RERE: variants seen among roughly 807,000 people sequenced by gnomAD.
RERE encodes the protein arginine-glutamic acid dipeptide repeats, also known as arginine-glutamic acid dipeptide repeats protein.
Under a neutral mutation model 146.1 loss-of-function variants are expected in RERE, and 40 were observed. The observed-to-expected ratio is 0.27, with a 90% CI of 0.21 to 0.36. RERE has a LOEUF of 0.36. Ranked by LOEUF, RERE falls within the 10% of genes least tolerant of loss-of-function variation. RERE has a pLI of 1.00. For missense variants in RERE, 1,933 were observed against 2,138.7 expected (o/e 0.90, Z 1.90); for synonymous variants, 1,003 against 866.0 (o/e 1.16, Z -2.78).
chr1:8,517,349 A>G (rs1645434051), intron 7 of RERE, among the ~76,000 whole-genome samples: 1 of 152,196 alleles, frequency 6.6e-6, no homozygotes, highest in Non-Finnish European at 1.5e-5. Context: ...ACAGCTTATT[A>G]GCAATGAGAT....
intron 1 of RERE, among the ~76,000 whole-genome samples, chr1:8,747,131 A>G (rs1233111988): frequency 6.6e-6 from 1 of 151,954 alleles, no homozygotes; most frequent in African/African-American, 2.4e-5. Context: ...CCTCCCGAGT[A>G]GCTGGGACTA....
chr1:8,501,338 G>T (rs1409175006), intron 8 of RERE, among the ~76,000 whole-genome samples: 1 of 108,588 alleles, frequency 9.2e-6, no homozygotes, highest in South Asian at 2.9e-4. Flanking sequence ...GAGGTGGGGG[G>T]TCAGCACCCC....
At chr1:8,600,514 G>C (rs895272131) in intron 4 of RERE, among the ~76,000 whole-genome samples, 1 of 152,094 alleles carries the variant, frequency 6.6e-6, no homozygotes, top group Non-Finnish European at 1.5e-5. Context: ...GTGGATATTT[G>C]TAATATATCC....
chr1:8,632,257 T>C (rs530355634), intron 2 of RERE, among the ~76,000 whole-genome samples: 11 of 152,344 alleles, frequency 7.2e-5, no homozygotes, highest in South Asian at 6.2e-4. Context: ...TCTCCCCGTA[T>C]GGCTGACAAC....
chr1:8,659,784 A>G (rs2124343342), intron 1 of RERE, among the ~76,000 whole-genome samples: 2 of 152,364 alleles, frequency 1.3e-5, no homozygotes, highest in South Asian at 4.1e-4. Flanking sequence ...AAAACTGTGT[A>G]GAAAACATTT....
chr1:8,365,720 C>T (rs973435563), intron 13 of RERE, 92 bp downstream of exon 13: 119 of 1,442,170 alleles, frequency 8.3e-5, no homozygotes, highest in Admixed American at 2.1e-4. Context: ...TCATGCTTCC[C>T]GGAGCCATCA....
chr1:8,525,203 A>C (rs1362282245), intron 7 of RERE, among the ~76,000 whole-genome samples: 1 of 152,222 alleles, frequency 6.6e-6, no homozygotes, highest in Non-Finnish European at 1.5e-5. Context: ...ATCATAATTC[A>C]CAACTGTTCC....
At position 8,359,807 on chromosome 1, in the gene RERE, C is replaced by T. The variant is rs538667090; in HGVS notation, c.3575G>A (p.Arg1192Gln). 4.4e-6 allele frequency: 7 copies of T among 1,599,922 alleles called. No homozygotes were observed. Among genetic ancestry groups the T allele is most frequent in the Admixed American group, 1.7e-5 (1 of 59,520 alleles). ...REREKEKEKE[R>Q]EREREREREA... ...GCGCTCCCGCTCTCGCTCCCGCTCC[C>T]GCTCCTTCTCCTTCTCCTTCTCCCG... The change falls in exon 19 of 23, where the codon CGG becomes CAG. Residue 1192 changes from arginine (R) to glutamine (Q), a missense_variant. Physicochemically the swap from Arg to Gln is conservative, Grantham distance 43. This residue lies in a region of RERE where 1,255 missense variants were observed against 1,153.8 expected (regional missense o/e 1.09). Coordinates refer to ENST00000400908, the MANE Select transcript of RERE (RefSeq NM_001042681.2).
intron 13 of RERE, 105 bp downstream of exon 13, chr1:8,365,707 C>T (rs1289514506): frequency 7.7e-7 from 1 of 1,305,424 alleles, no homozygotes; most frequent in African/African-American, 1.5e-5. Flanking sequence ...GGTGCACACC[C>T]CCTCATGCTT....
intron 6 of RERE, among the ~76,000 whole-genome samples, chr1:8,552,616 C>T (rs1429851018): frequency 6.6e-6 from 1 of 152,176 alleles, no homozygotes; most frequent in Non-Finnish European, 1.5e-5. Flanking sequence ...TAAAGCTTAA[C>T]TTTAACCATC....
At chr1:8,732,025 G>C (rs920738117) in intron 1 of RERE, among the ~76,000 whole-genome samples, 2 of 151,930 alleles carry the variant, frequency 1.3e-5, no homozygotes, top group African/African-American at 2.4e-5. Flanking sequence ...GGATGGTCTC[G>C]ATCTCCTGAC....
intron 12 of RERE, among the ~76,000 whole-genome samples, chr1:8,377,676 T>C (rs889940390): frequency 1.3e-5 from 2 of 152,228 alleles, no homozygotes; most frequent in Non-Finnish European, 2.9e-5. Flanking sequence ...CCTTTCATTA[T>C]ATGTGCAATC....
intron 8 of RERE, among the ~76,000 whole-genome samples, chr1:8,506,834 C>A (rs370182030): frequency 1.3e-5 from 2 of 152,284 alleles, no homozygotes; most frequent in East Asian, 3.9e-4. Context: ...ATTTTATGTG[C>A]ACTGAGAAAG....
At chr1:8,495,557 TCAC>T in intron 9 of RERE, among the ~76,000 whole-genome samples, 1 of 152,306 alleles carries the variant, frequency 6.6e-6, no homozygotes, top group Non-Finnish European at 1.5e-5. Context: ...GGTGATCTGC[TCAC>T]CTCAGCCTCC....
intron 4 of RERE, among the ~76,000 whole-genome samples, chr1:8,604,480 C>T (rs536696335): frequency 3.5e-5 from 5 of 143,760 alleles, no homozygotes; most frequent in African/African-American, 1.3e-4. Flanking sequence ...GGCAGAGCTC[C>T]ATCTCCACAC....
At chr1:8,692,087 T>TTAG (rs1317982451) in intron 1 of RERE, among the ~76,000 whole-genome samples, 5 of 152,238 alleles carry the variant, frequency 3.3e-5, no homozygotes, top group Admixed American at 3.3e-4. Context: ...AATAAGGACC[T>TTAG]TAGCAGAATG....
intron 1 of RERE, among the ~76,000 whole-genome samples, chr1:8,793,342 T>G (rs890207230): frequency 9.9e-5 from 15 of 152,116 alleles, no homozygotes; most frequent in Admixed American, 7.2e-4. Context: ...CAACAGCATG[T>G]GATACTCTCC....
At chr1:8,530,305 TA>T (rs1467321875) in intron 7 of RERE, among the ~76,000 whole-genome samples, 1 of 152,172 alleles carries the variant, frequency 6.6e-6, no homozygotes, top group Middle Eastern at 3.2e-3. Context: ...CAATTTTTTC[TA>T]AAATTAAAAA....
intron 1 of RERE, among the ~76,000 whole-genome samples, chr1:8,815,829 T>TTTTGTGTGTGTG (rs1553152686): frequency 6.7e-6 from 1 of 149,850 alleles, no homozygotes; most frequent in South Asian, 2.1e-4. Context: ...CAGCTTGGTA[T>TTTTGTGTGTGTG]TGTGTGTGTG....
Sources: allele counts gnomAD v4.1 joint callset (sites outside exome capture counted in the v4.1 genomes callset), GRCh38; gene constraint gnomAD v4.1.1; regional missense constraint gnomAD v4.1.1; transcripts MANE v1.5; gene names NCBI Gene and HGNC (gene_info 2026-07-23, HGNC 2026-07-21).